The following SPMIP7 variants were observed in gnomAD, a reference collection of about 807,000 sequenced individuals.
SPMIP7 encodes the protein sperm microtubule inner protein 7.
At chr7:50,098,644 C>G in the SPMIP7 span, among the ~76,000 whole-genome samples, 1 of 152,186 alleles carries the variant, frequency 6.6e-6, no homozygotes, top group Non-Finnish European at 1.5e-5. Flanking sequence ...GACCTTCTTT[C>G]TAGTTTATAG....
the SPMIP7 span, among the ~76,000 whole-genome samples, chr7:50,106,964 C>T: frequency 1.3e-5 from 2 of 151,362 alleles, no homozygotes; most frequent in East Asian, 1.9e-4. Context: ...AGGCCAGGCA[C>T]GGTGGCTCAC....
At chr7:50,155,466 G>A in the SPMIP7 span, among the ~76,000 whole-genome samples, 1 of 152,166 alleles carries the variant, frequency 6.6e-6, no homozygotes, top group Non-Finnish European at 1.5e-5. Flanking sequence ...TCATGATTTA[G>A]GAGGGATCCG....
At chr7:50,159,165 A>G in the SPMIP7 span, 9 of 1,551,160 alleles carry the variant, frequency 5.8e-6, no homozygotes, top group Non-Finnish European at 7.8e-6. Context: ...ACCATAGACT[A>G]CTAGAGGAGG....
At chr7:50,151,471 T>A in the SPMIP7 span, 2 of 1,551,446 alleles carry the variant, frequency 1.3e-6, no homozygotes, top group Admixed American at 3.9e-5. Flanking sequence ...TTCCAGGATA[T>A]ACCGGCAAGG....
chr7:50,122,729 A>C, the SPMIP7 span, among the ~76,000 whole-genome samples: 2 of 151,994 alleles, frequency 1.3e-5, no homozygotes, highest in Non-Finnish European at 2.9e-5. Context: ...AGAAAAAAAC[A>C]AACAGCCCCA....
chr7:50,099,693 A>G, the SPMIP7 span, among the ~76,000 whole-genome samples: 2 of 152,060 alleles, frequency 1.3e-5, no homozygotes, highest in Non-Finnish European at 1.5e-5. Flanking sequence ...CCAAACTCCC[A>G]TTTCCATTAT....
chr7:50,129,649 T>A, the SPMIP7 span: 3 of 1,071,932 alleles, frequency 2.8e-6, no homozygotes, highest in South Asian at 2.9e-5. Flanking sequence ...GAAAACATGA[T>A]GACTAGAAAA....
the SPMIP7 span, among the ~76,000 whole-genome samples, chr7:50,100,128 C>A: frequency 6.6e-6 from 1 of 152,120 alleles, no homozygotes; most frequent in Non-Finnish European, 1.5e-5. Context: ...TGTACCAGAC[C>A]CCTCAGGGCT....
the SPMIP7 span, among the ~76,000 whole-genome samples, chr7:50,139,407 A>T: frequency 1.3e-5 from 2 of 152,084 alleles, no homozygotes; most frequent in East Asian, 3.8e-4. Context: ...GAAGTTGATG[A>T]TAATTCCATT....
chr7:50,139,414 C>T, the SPMIP7 span, among the ~76,000 whole-genome samples: 2 of 151,180 alleles, frequency 1.3e-5, no homozygotes, highest in East Asian at 3.9e-4. Context: ...ATGATAATTC[C>T]ATTTGAATAC....
chr7:50,140,306 G>A, the SPMIP7 span: 5 of 516,738 alleles, frequency 9.7e-6, no homozygotes, highest in Non-Finnish European at 1.6e-5. Context: ...CATTTCTAAT[G>A]TTTGTGTGGC....
the SPMIP7 span, among the ~76,000 whole-genome samples, chr7:50,097,770 A>G: frequency 6.6e-6 from 1 of 152,140 alleles, no homozygotes; most frequent in African/African-American, 2.4e-5. Flanking sequence ...AAAATAAAGA[A>G]TAAATGTCAG....
chr7:50,141,603 G>C, the SPMIP7 span: 57 of 460,248 alleles, frequency 1.2e-4, no homozygotes, highest in African/African-American at 8.8e-4. Context: ...TTATCTCTGT[G>C]ACTTCAGTTT....
the SPMIP7 span, among the ~76,000 whole-genome samples, chr7:50,101,571 A>C: frequency 6.6e-6 from 1 of 152,148 alleles, no homozygotes; most frequent in African/African-American, 2.4e-5. Flanking sequence ...GATAACCTCA[A>C]ACTTAGTCTT....
the SPMIP7 span, among the ~76,000 whole-genome samples, chr7:50,127,215 T>A: frequency 6.6e-6 from 1 of 152,160 alleles, no homozygotes; most frequent in Admixed American, 6.6e-5. Context: ...AGCACAAGAA[T>A]GAAACTAGAC....
chr7:50,117,237 C>T, the SPMIP7 span: 1 of 455,922 alleles, frequency 2.2e-6, no homozygotes, highest in Non-Finnish European at 4.4e-6. Flanking sequence ...AACATTCAGG[C>T]ATTAGGAGTA....
the SPMIP7 span, among the ~76,000 whole-genome samples, chr7:50,112,860 G>A: frequency 6.6e-6 from 1 of 151,914 alleles, no homozygotes; most frequent in Non-Finnish European, 1.5e-5. Context: ...TAAGATAGCA[G>A]AGAAGAGGGA....
the SPMIP7 span, among the ~76,000 whole-genome samples, chr7:50,138,769 T>TAA: frequency 6.6e-6 from 1 of 151,744 alleles, no homozygotes; most frequent in Non-Finnish European, 1.5e-5. Flanking sequence ...ATGGGATTTT[T>TAA]TTTTTTTTGG....
the SPMIP7 span, among the ~76,000 whole-genome samples, chr7:50,116,955 T>C: frequency 6.6e-6 from 1 of 152,166 alleles, no homozygotes; most frequent in African/African-American, 2.4e-5. Context: ...CCTGAGAGAA[T>C]AAAAACTACT....
Sources: allele counts gnomAD v4.1 joint callset (sites outside exome capture counted in the v4.1 genomes callset), GRCh38; gene constraint gnomAD v4.1.1; transcripts MANE v1.5; gene names NCBI Gene and HGNC (gene_info 2026-07-23, HGNC 2026-07-21).